NLRP11: variants seen among roughly 807,000 people sequenced by gnomAD.
NLRP11 encodes NACHT, LRR and PYD domains-containing protein 11.
In NLRP11, 53 loss-of-function variants were observed where a neutral mutation model predicts 79.3. The ratio of observed to expected loss-of-function variants is 0.67; its 90% CI spans 0.54 to 0.84. The LOEUF (loss-of-function observed/expected upper bound fraction) is 0.84. Ranked by LOEUF, NLRP11 falls within the 40% of genes least tolerant of loss-of-function variation. The pLI is 0.00. For missense variants in NLRP11, 1,264 were observed against 1,255.0 expected (o/e 1.01, Z -0.11); for synonymous variants, 518 against 462.6 (o/e 1.12, Z -1.54).
chr19:55,809,767 ACGTGTGGGC>A lies in NLRP11; in HGVS notation c.834_842del (p.Arg278_Arg281delinsSer). On this transcript the variant is annotated inframe_deletion, in exon 3 of 10. Transcript: ENST00000589093. This position sits in a 1 kb window ranked among gnomAD's most constrained non-coding sequence, Gnocchi z 4.5. ...TCAAGAACGTTTTTACATTATTCCCACGTGTGGGCCTTGAGGAGATGAGGAACCAGCAGC... is the reference window on the plus strand; with the variant it reads ...TCAAGAACGTTTTTACATTATTCCCACTTGAGGAGATGAGGAACCAGCAGC... 6.2e-7 allele frequency: 1 copy of A among 1,614,044 alleles called. No homozygotes were observed. The highest frequency in any genetic ancestry group is 8.5e-7 in the Non-Finnish European group (1 of 1,179,994).
chr19:55,834,504 G>A (rs1277178238), upstream of NLRP11, among the ~76,000 whole-genome samples: 1 of 152,310 alleles, frequency 6.6e-6, no homozygotes, highest in South Asian at 2.1e-4. Flanking sequence ...TAGGCAGTAA[G>A]GTGCAGCTAT....
intron 4 of NLRP11, among the ~76,000 whole-genome samples, chr19:55,803,500 G>T (rs1005572799): frequency 5.9e-5 from 9 of 152,136 alleles, no homozygotes; most frequent in Non-Finnish European, 1.3e-4. Flanking sequence ...TACAGCAAAA[G>T]AAACTATCAG....
chr19:55,810,393 G>A, intron 2 of NLRP11, 55 bp from the exon 3 acceptor site: 5 of 1,492,852 alleles, frequency 3.3e-6, no homozygotes, highest in Middle Eastern at 1.8e-4. Context: ...AGTTCAAGAT[G>A]TAAAAACAGT....
intron 5 of NLRP11, among the ~76,000 whole-genome samples, chr19:55,800,753 G>A (rs1035016537): frequency 6.6e-6 from 1 of 152,164 alleles, no homozygotes; most frequent in African/African-American, 2.4e-5. Flanking sequence ...AAATGTGCCC[G>A]AGCGGCGATG....
At chr19:55,786,774 T>G (rs1055390214) in intron 9 of NLRP11, among the ~76,000 whole-genome samples, 2 of 152,182 alleles carry the variant, frequency 1.3e-5, no homozygotes, top group African/African-American at 4.8e-5. Context: ...GAGCTCATGT[T>G]CTAGTGGAAG....
At chr19:55,790,256 G>A (rs1188314678) in intron 7 of NLRP11, among the ~76,000 whole-genome samples, 4 of 152,112 alleles carry the variant, frequency 2.6e-5, no homozygotes, top group Non-Finnish European at 4.4e-5. Flanking sequence ...AGGAGTTGAC[G>A]GCCTTTCTCT....
Position 55,801,567 on chromosome 19 carries a change from C to T in NLRP11, c.2171+5G>A. The T allele has an allele frequency of 6.2e-7, 1 of 1,613,600 alleles. No homozygotes were observed. Among genetic ancestry groups the T allele is most frequent in the Non-Finnish European group, 8.5e-7 (1 of 1,179,590 alleles). ...CACTGAGCTTTCAGCCGAGCAACAA[C>T]TCACCTCAGATGACTTATTTGGCAT... On this transcript the variant is annotated splice_donor_5th_base_variant and intron_variant, in intron 5 of 9. Transcript: ENST00000589093.
At chr19:55,805,641 G>A (rs946333906) in intron 4 of NLRP11, among the ~76,000 whole-genome samples, 1 of 152,008 alleles carries the variant, frequency 6.6e-6, no homozygotes, top group Non-Finnish European at 1.5e-5. Context: ...CCGGGTTTAA[G>A]CGATTCTCCT....
intron 1 of NLRP11, among the ~76,000 whole-genome samples, chr19:55,822,470 A>T (rs1021542774): frequency 2.0e-4 from 31 of 152,268 alleles, no homozygotes; most frequent in Admixed American, 7.2e-4. Flanking sequence ...AACGCAGAAG[A>T]CGGGTGATTT....
At chr19:55,821,247 ACAC>A (rs879648279) in intron 1 of NLRP11, among the ~76,000 whole-genome samples, 5,384 of 118,988 alleles carry the variant, frequency 0.045, 220 homozygotes, top group African/African-American at 0.12. Context: ...ACACACACAC[ACAC>A]CCCAAGCACT....
At chr19:55,823,326 A>G (rs946946910) in intron 1 of NLRP11, among the ~76,000 whole-genome samples, 8 of 135,434 alleles carry the variant, frequency 5.9e-5, no homozygotes, top group Non-Finnish European at 1.1e-4. Context: ...AACAGAACAG[A>G]AAAACTGGAA....
At chr19:55,823,141 C>G (rs529769033) in intron 1 of NLRP11, among the ~76,000 whole-genome samples, 170 of 146,810 alleles carry the variant, frequency 1.2e-3, no homozygotes, top group African/African-American at 4.4e-3. Flanking sequence ...AGGCACCCCC[C>G]AGCAGGAGCA....
intron 1 of NLRP11, among the ~76,000 whole-genome samples, chr19:55,829,658 C>CAAAAA (rs543036205): frequency 1.4e-5 from 1 of 73,136 alleles, no homozygotes; most frequent in South Asian, 6.3e-4. Context: ...GACTCCGTCT[C>CAAAAA]AAAAAAAAAA....
intron 3 of NLRP11, among the ~76,000 whole-genome samples, chr19:55,808,347 C>G (rs1392344979): frequency 6.6e-6 from 1 of 152,122 alleles, no homozygotes; most frequent in Non-Finnish European, 1.5e-5. Flanking sequence ...AGGTTTATTT[C>G]TTTTTAATCT....
intron 5 of NLRP11, chr19:55,798,271 T>A: frequency 1.0e-6 from 1 of 965,542 alleles, no homozygotes; most frequent in Non-Finnish European, 1.2e-6. Flanking sequence ...GTGTTGGGAT[T>A]CCAGGCGTGA....
intron 8 of NLRP11, 39 bp downstream of exon 8, chr19:55,789,190 C>T (rs1990087703): frequency 6.4e-7 from 1 of 1,568,734 alleles, no homozygotes; most frequent in Non-Finnish European, 8.7e-7. Flanking sequence ...TCAGCTGTTG[C>T]TAGCTAAAGG....
intron 1 of NLRP11, among the ~76,000 whole-genome samples, chr19:55,829,807 G>A (rs1360186207): frequency 2.0e-5 from 3 of 151,982 alleles, no homozygotes; most frequent in African/African-American, 7.3e-5. Flanking sequence ...GTTGACTCCT[G>A]AACTCAAAAG....
intron 9 of NLRP11, among the ~76,000 whole-genome samples, chr19:55,787,494 G>A (rs569585680): frequency 6.6e-6 from 1 of 151,998 alleles, no homozygotes; most frequent in Non-Finnish European, 1.5e-5. Flanking sequence ...GCATCACTAC[G>A]CCCGGCTAAC....
chr19:55,821,321 C>G (rs1161236178), intron 1 of NLRP11, among the ~76,000 whole-genome samples: 1 of 151,908 alleles, frequency 6.6e-6, no homozygotes, highest in Non-Finnish European at 1.5e-5. Context: ...TCACTTGCTG[C>G]TGGGGGAATT....
Sources: gnomAD v4.1 joint callset for allele counts (sites outside exome capture counted in the v4.1 genomes callset) on GRCh38, gnomAD v4.1.1 for gene constraint, Gnocchi (gnomAD v3.1) non-coding constraint, MANE v1.5 for transcripts, NCBI Gene and HGNC (gene_info 2026-07-23, HGNC 2026-07-21) for gene names.